ANKMY1: variants seen among roughly 807,000 people sequenced by gnomAD.
The protein encoded by ANKMY1 is ankyrin repeat and MYND domain containing 1.
Under a neutral mutation model 102.0 loss-of-function variants are expected in ANKMY1, and 98 were observed. The observed-to-expected ratio is 0.96, with a 90% CI of 0.82 to 1.14. The LOEUF (loss-of-function observed/expected upper bound fraction) is 1.14. Among genes scored for constraint, ANKMY1 ranks in the 50% most tolerant of loss-of-function variants. The probability of loss-of-function intolerance (pLI) is 0.00; values close to 1 mark genes in which losing one functional copy is unlikely to be tolerated. For synonymous variants in ANKMY1, 582 were observed against 559.9 expected (o/e 1.04, Z -0.56); for missense variants, 1,330 against 1,347.6 (o/e 0.99, Z 0.20).
intron 15 of ANKMY1, among the ~76,000 whole-genome samples, chr2:240,486,983 G>A (rs2076129970): frequency 6.6e-6 from 1 of 152,176 alleles, no homozygotes; most frequent in Non-Finnish European, 1.5e-5. Flanking sequence ...TAGTGATCAA[G>A]TTAGGGTATT....
intron 4 of ANKMY1, among the ~76,000 whole-genome samples, chr2:240,546,954 A>C (rs2090513362): frequency 6.6e-6 from 1 of 152,228 alleles, no homozygotes; most frequent in African/African-American, 2.4e-5. Context: ...CAGATCAATG[A>C]GACAGAAAGT....
At chr2:240,513,744 C>T (rs529256554) in intron 9 of ANKMY1, among the ~76,000 whole-genome samples, 1 of 152,352 alleles carries the variant, frequency 6.6e-6, no homozygotes, top group African/African-American at 2.4e-5. Flanking sequence ...CTGCTGACTC[C>T]CAGGAGGAGC....
intron 4 of ANKMY1, among the ~76,000 whole-genome samples, chr2:240,551,758 C>T (rs55915120): frequency 0.082 from 12,497 of 152,260 alleles, 678 homozygotes; most frequent in Non-Finnish European, 0.12. Flanking sequence ...CAACCTGATT[C>T]CCCATGGTTG....
Position 240,512,882 on chromosome 2 carries a change from T to G in ANKMY1, c.2065A>C (p.Ile689Leu), listed in dbSNP as rs201506288. The G allele has an allele frequency of 1.5e-5, 25 of 1,614,002 alleles. No individual in the cohort carries two copies. In the East Asian group the frequency reaches 5.1e-4, roughly 33 times the overall value. ...AALPGEEGVQ[I>L]VELLLHAITD... is the part of the protein sequence containing the mutation. ...ATGGCATGCAACAGCAGCTCCACAA[T>G]CTGTACCCCCTCCTCCCCAGGAAGG... Residue 689 changes from isoleucine (I) to leucine (L), a missense_variant, in exon 10 of 18, where the codon ATT (isoleucine) becomes CTT (leucine). Coordinates refer to ENST00000401804, the MANE Select transcript of ANKMY1 (RefSeq NM_001282771.3).
intron 4 of ANKMY1, among the ~76,000 whole-genome samples, chr2:240,545,828 C>T (rs1048519067): frequency 1.4e-4 from 21 of 152,252 alleles, no homozygotes; most frequent in South Asian, 2.1e-4. Flanking sequence ...TAAAAAGAAA[C>T]GAGCAAAGCC....
Position 240,520,216 on chromosome 2 carries a change from C to A in ANKMY1, c.2004+146G>T. 8.1e-7 allele frequency: 1 copy of A among 1,231,600 alleles called. No homozygotes were observed. The highest frequency in any genetic ancestry group is 1.2e-6 in the Non-Finnish European group (1 of 859,058). 76.3% of individuals were successfully genotyped at this position (1,231,600 alleles called of 1,614,324 possible). ...GAGCGGGCTGTGGGACCCCCCACTG[C>A]GGCGCGCCGTCATCACTCACAGCCC... On this transcript the variant is annotated intron_variant, in intron 9 of 17. Coordinates refer to ENST00000401804, the MANE Select transcript of ANKMY1 (RefSeq NM_001282771.3). The surrounding 1 kb of genome is among the most constrained non-coding windows in gnomAD (Gnocchi z 4.8).
At position 240,526,004 on chromosome 2, in the gene ANKMY1, G is replaced by A. The variant is rs1212647707; in HGVS notation, c.1171-155C>T. On this transcript the variant is annotated intron_variant, in intron 6 of 17. Transcript: ENST00000401804. ...TTGGCAAAGGGACAAGTGTGGGACA[G>A]AGGAATGGAACAGGCACTCTGCCCC... 59 of 1,068,874 alleles carry A rather than the reference G, an allele frequency of 5.5e-5. No homozygotes were observed. The East Asian group carries it at 1.4e-3, about 25-fold the overall frequency. The allele number at this position is 1,068,874 out of a possible 1,614,324, so 66.2% of individuals were successfully genotyped here. A position where few individuals can be genotyped will look rare whatever the true frequency, so the allele number is the denominator to read the frequency against.
chr2:240,549,256 C>A (rs1377145579), intron 4 of ANKMY1, among the ~76,000 whole-genome samples: 155 of 150,584 alleles, frequency 1.0e-3, no homozygotes, highest in African/African-American at 3.6e-3. Flanking sequence ...GAAAAACAAG[C>A]AATGGGGAAA....
chr2:240,496,867 A>G (rs2077333203), intron 15 of ANKMY1, among the ~76,000 whole-genome samples: 1 of 152,234 alleles, frequency 6.6e-6, no homozygotes, highest in South Asian at 2.1e-4. Context: ...AAAGGTCAGT[A>G]TTGAAGATTG....
chr2:240,560,420 C>G (rs1054993191), upstream of ANKMY1: 4 of 359,486 alleles, frequency 1.1e-5, no homozygotes. Context: ...GGACAGAGAA[C>G]ATGGGACGCA....
At chr2:240,488,006 T>G (rs2076247744) in intron 15 of ANKMY1, among the ~76,000 whole-genome samples, 1 of 152,236 alleles carries the variant, frequency 6.6e-6, no homozygotes, top group South Asian at 2.1e-4. Flanking sequence ...ATTTTTGGTT[T>G]TGTTGCCTGT....
intron 12 of ANKMY1, among the ~76,000 whole-genome samples, chr2:240,508,566 A>C (rs1239082528): frequency 6.6e-6 from 1 of 152,098 alleles, no homozygotes; most frequent in African/African-American, 2.4e-5. Flanking sequence ...CCATCCCCTC[A>C]CTAAGCTTTA....
At chr2:240,559,134 A>T (rs556380748), upstream of ANKMY1, among the ~76,000 whole-genome samples, 98 of 152,278 alleles carry the variant, frequency 6.4e-4, no homozygotes, top group Non-Finnish European at 1.1e-3. Flanking sequence ...GCCCAGACTA[A>T]GTGTGGCAAT....
In ANKMY1 at chr2:240,557,393, C is replaced by T. The variant is rs773894915; in HGVS notation, c.-17-41G>A. On this transcript the variant is annotated intron_variant, in intron 1 of 17. Coordinates refer to ENST00000401804, the MANE Select transcript of ANKMY1 (RefSeq NM_001282771.3). ...GGACCGCACATGTGCCCCCAGGGCT[C>T]CCGCCGCGAACTCAGAGGGCGCCCG... The T allele has an allele frequency of 4.2e-6, 6 of 1,414,164 alleles. No homozygotes were observed. In the African/African-American group the frequency reaches 8.9e-5, roughly 21 times the overall value. The allele number at this position is 1,414,164 out of a possible 1,614,324, so 87.6% of individuals were successfully genotyped here.
At chr2:240,547,444 T>A in intron 4 of ANKMY1, among the ~76,000 whole-genome samples, 1 of 146,894 alleles carries the variant, frequency 6.8e-6, no homozygotes, top group East Asian at 2.0e-4. Flanking sequence ...AACATCACAA[T>A]TAAAAGAACT....
intron 4 of ANKMY1, among the ~76,000 whole-genome samples, chr2:240,533,959 A>C (rs66897002): frequency 0.16 from 24,991 of 152,214 alleles, 2,201 homozygotes; most frequent in Middle Eastern, 0.3. Flanking sequence ...TCCAAAAATA[A>C]TAAATGGAAA....
At chr2:240,523,815 G>C in intron 8 of ANKMY1, 70 bp downstream of exon 8, 2 of 1,554,626 alleles carry the variant, frequency 1.3e-6, no homozygotes, top group Non-Finnish European at 1.7e-6. Flanking sequence ...GAAGAGACGT[G>C]GGTCTGCTGA....
At position 240,499,938 on chromosome 2, in the gene ANKMY1, G is replaced by C. The variant is rs1232472459; in HGVS notation, c.2806+20C>G. 7 of 1,606,286 alleles carry C rather than the reference G, an allele frequency of 4.4e-6. No homozygotes were observed. The highest frequency in any genetic ancestry group is 1.7e-4 in the Middle Eastern group (1 of 6,028). On this transcript the variant is annotated intron_variant, in intron 15 of 17. Coordinates refer to ENST00000401804, the MANE Select transcript of ANKMY1 (RefSeq NM_001282771.3). The surrounding 1 kb of genome is among the most constrained non-coding windows in gnomAD (Gnocchi z 4.2). ...GAACGCCGCCCTGTGGAGCAGAGCA[G>C]AGCAGGGCCCACTGCTCACCTCTCT...
Position 240,531,207 on chromosome 2 carries a change from G to T in ANKMY1, c.481-1698C>A, listed in dbSNP as rs571578136. Among the ~76,000 whole-genome samples, 3 of 152,314 alleles carry T rather than the reference G, an allele frequency of 2.0e-5. No homozygotes were observed. The East Asian group carries it at 5.8e-4, about 29-fold the overall frequency. On this transcript the variant is annotated intron_variant, in intron 4 of 17. Transcript: ENST00000401804. ...ATAATAACATACCACATACACCCAT[G>T]AGAATGGCTAAAATAAAAAGACTGG... is the stretch of plus-strand genomic sequence containing the variant.
Sources: gnomAD v4.1 joint callset for allele counts (sites outside exome capture counted in the v4.1 genomes callset) on GRCh38, gnomAD v4.1.1 for gene constraint, Gnocchi (gnomAD v3.1) non-coding constraint, MANE v1.5 for transcripts, NCBI Gene and HGNC (gene_info 2026-07-23, HGNC 2026-07-21) for gene names.